Variants in OOSP1 observed in about 807,000 individuals in gnomAD.
The protein encoded by OOSP1 is putative oocyte-secreted protein 1 homolog.
A neutral mutation model predicts 5.7 loss-of-function variants in OOSP1; 11 were observed. The ratio of observed to expected loss-of-function variants is 1.94; its 90% CI spans 1.22 to 3.20. OOSP1 has a LOEUF of 3.20. OOSP1 is among the 30% of genes most tolerant of loss of function. The probability of loss-of-function intolerance (pLI) is 0.00; values close to 1 mark genes in which losing one functional copy is unlikely to be tolerated. For synonymous variants in OOSP1, 44 were observed against 20.0 expected, an observed-to-expected ratio of 2.20 and a Z score of -3.20; for missense variants, 83 against 54.1, an observed-to-expected ratio of 1.53 and a Z score of -1.67.
Position 59,943,463 on chromosome 11 carries a change from A to G in OOSP1, c.258+435A>G, listed in dbSNP as rs577397410. On this transcript the variant is annotated intron_variant, in intron 2 of 4. Transcript: ENST00000646685. Reference sequence around the variant, plus strand: ...TGTAATATGGCTAGACTCTTTAATGATCACATTTAGGACAGAAGCAGTTAA... The same window carrying G: ...TGTAATATGGCTAGACTCTTTAATGGTCACATTTAGGACAGAAGCAGTTAA... 7.2e-5 allele frequency among the ~76,000 whole-genome samples: 11 copies of G among 152,328 alleles called. No homozygotes were observed. In the South Asian group the frequency reaches 1.5e-3, roughly 20 times the overall value.
chr11:59,945,639 T>A (rs1217710929), intron 3 of OOSP1, among the ~76,000 whole-genome samples: 1 of 148,686 alleles, frequency 6.7e-6, no homozygotes, highest in African/African-American at 2.5e-5. Flanking sequence ...TAGTCCCAGC[T>A]ACTTGGGAGC....
At chr11:59,947,264 C>G (rs931080748) in intron 3 of OOSP1, among the ~76,000 whole-genome samples, 2 of 152,086 alleles carry the variant, frequency 1.3e-5, no homozygotes, top group African/African-American at 2.4e-5. Context: ...CTTCTGCTAA[C>G]TCAATGAGGT....
chr11:59,938,728 C>G (rs991540253), intron 1 of OOSP1, among the ~76,000 whole-genome samples, 198 bp downstream of exon 1: 1 of 152,094 alleles, frequency 6.6e-6, no homozygotes, highest in African/African-American at 2.4e-5. Flanking sequence ...GGGAATGTGC[C>G]CTAACCTGAG....
chr11:59,945,894 G>A (rs990968211), intron 3 of OOSP1, among the ~76,000 whole-genome samples: 3 of 151,088 alleles, frequency 2.0e-5, no homozygotes, highest in South Asian at 2.1e-4. Context: ...GGAAGGCAAC[G>A]GAAGGCAACA....
At chr11:59,943,717 C>G (rs17597821) in intron 2 of OOSP1, among the ~76,000 whole-genome samples, 12 of 152,288 alleles carry the variant, frequency 7.9e-5, no homozygotes, top group Admixed American at 2.6e-4. Flanking sequence ...CATCAGAAGC[C>G]TTTTCAAAGT....
chr11:59,944,179 A>G (rs1853858775), intron 2 of OOSP1, among the ~76,000 whole-genome samples: 1 of 152,056 alleles, frequency 6.6e-6, no homozygotes, highest in Non-Finnish European at 1.5e-5. Context: ...CAGGGGTAAG[A>G]CAGCCCTCAG....
intron 4 of OOSP1, among the ~76,000 whole-genome samples, chr11:59,948,300 T>G (rs1468448916): frequency 6.6e-6 from 1 of 152,174 alleles, no homozygotes; most frequent in East Asian, 1.9e-4. Context: ...AAGTACCAAA[T>G]GACTGTAAGG....
At chr11:59,947,744 T>C (rs569976715) in exon 4 of OOSP1, 1 of 398,832 alleles carries the variant, frequency 2.5e-6, no homozygotes, top group African/African-American at 2.1e-5. Flanking sequence ...CAGCATCATC[T>C]TTTAAATGCA....
intron 4 of OOSP1, among the ~76,000 whole-genome samples, chr11:59,950,773 G>A (rs1190317741): frequency 3.3e-5 from 5 of 152,112 alleles, no homozygotes; most frequent in South Asian, 2.1e-4. Context: ...AAAGGTATGA[G>A]TACAGGTGGC....
At chr11:59,951,434 G>A (rs1055227503) in intron 4 of OOSP1, among the ~76,000 whole-genome samples, 1 of 152,082 alleles carries the variant, frequency 6.6e-6, no homozygotes, top group African/African-American at 2.4e-5. Flanking sequence ...TAAAGCATTA[G>A]AAGGTGTGCA....
chr11:59,947,972 T>C, intron 4 of OOSP1, 110 bp downstream of exon 4: 1 of 395,966 alleles, frequency 2.5e-6, no homozygotes, highest in Non-Finnish European at 4.5e-6. Flanking sequence ...AGGTGCATTG[T>C]GCCTAAAATG....
chr11:59,956,523 C>T (rs1853995077), intron 4 of OOSP1, among the ~76,000 whole-genome samples: 1 of 152,122 alleles, frequency 6.6e-6, no homozygotes, highest in East Asian at 1.9e-4. Flanking sequence ...CATTTGTTTA[C>T]ATTCCTCTTG....
At chr11:59,943,176 A>G (rs936695382) in intron 2 of OOSP1, 148 bp downstream of exon 2, 14 of 155,606 alleles carry the variant, frequency 9.0e-5, no homozygotes, top group Non-Finnish European at 1.7e-4. Context: ...GTTTGCTAAG[A>G]ATGATGGTTT....
At chr11:59,953,963 G>T (rs1285276957) in intron 4 of OOSP1, among the ~76,000 whole-genome samples, 1 of 152,112 alleles carries the variant, frequency 6.6e-6, no homozygotes, top group East Asian at 1.9e-4. Context: ...TCATCATTGT[G>T]CAAACTTCAT....
At chr11:59,944,748 C>T (rs1461738691) in intron 2 of OOSP1, among the ~76,000 whole-genome samples, 2 of 152,018 alleles carry the variant, frequency 1.3e-5, no homozygotes, top group Admixed American at 6.5e-5. Flanking sequence ...AGAAAACAGA[C>T]TTAATTGTTT....
chr11:59,946,879 C>A (rs1853888860), intron 3 of OOSP1, among the ~76,000 whole-genome samples: 1 of 147,712 alleles, frequency 6.8e-6, no homozygotes, highest in Non-Finnish European at 1.5e-5. Context: ...GTGCTTATTT[C>A]ATATTATATG....
At chr11:59,949,466 A>G (rs1007275224) in intron 4 of OOSP1, among the ~76,000 whole-genome samples, 32 of 152,002 alleles carry the variant, frequency 2.1e-4, no homozygotes, top group African/African-American at 7.0e-4. Context: ...CCGTTCACAC[A>G]TGTACCCTAA....
intron 1 of OOSP1, among the ~76,000 whole-genome samples, chr11:59,942,456 A>C (rs1293224039): frequency 2.0e-5 from 3 of 152,170 alleles, no homozygotes; most frequent in African/African-American, 7.2e-5. Context: ...TAGAAATGGA[A>C]GGGCTTGCGT....
In OOSP1 at chr11:59,946,418, C is replaced by T. The variant is rs1327455695; in HGVS notation, c.356+1152C>T. 2.6e-5 allele frequency among the ~76,000 whole-genome samples: 4 copies of T among 152,310 alleles called. No homozygotes were observed. In the East Asian group the frequency reaches 7.7e-4, roughly 29 times the overall value. Reference sequence around the variant, plus strand: ...CCACCTCCGTGACCCCATCACCTCCCACCAGGTTCCATCTCCAATATTGGG... The same window carrying T: ...CCACCTCCGTGACCCCATCACCTCCTACCAGGTTCCATCTCCAATATTGGG... On this transcript the variant is annotated intron_variant, in intron 3 of 4. Transcript: ENST00000646685.
Sources: allele counts gnomAD v4.1 joint callset (sites outside exome capture counted in the v4.1 genomes callset), GRCh38; gene constraint gnomAD v4.1.1; transcripts MANE v1.5; gene names NCBI Gene and HGNC (gene_info 2026-07-23, HGNC 2026-07-21).